Variants in PTAFR observed in about 807,000 individuals in gnomAD.
PTAFR encodes the protein platelet activating factor receptor.
PTAFR carries 8 observed loss-of-function variants against 14.7 expected under a neutral mutation model. The observed-to-expected ratio is 0.54, with a 90% confidence interval of 0.32 to 0.98. PTAFR has a LOEUF of 0.98. Ranked by LOEUF, PTAFR falls within the 50% of genes least tolerant of loss-of-function variation. The pLI, the probability that PTAFR is intolerant of heterozygous loss-of-function variation, is 0.04. For synonymous variants in PTAFR, 156 were observed against 176.5 expected (o/e 0.88, Z 0.92); for missense variants, 337 against 451.2 (o/e 0.75, Z 2.29).
intron 1 of PTAFR, among the ~76,000 whole-genome samples, chr1:28,168,878 G>A (rs1646421574): frequency 6.6e-6 from 1 of 151,978 alleles, no homozygotes; most frequent in African/African-American, 2.4e-5. Flanking sequence ...ATGTTGACCA[G>A]GATAGTCTCG....
At chr1:28,181,739 T>A (rs1390305546) in intron 1 of PTAFR, among the ~76,000 whole-genome samples, 1 of 150,584 alleles carries the variant, frequency 6.6e-6, no homozygotes, top group Non-Finnish European at 1.5e-5. Flanking sequence ...CGAAACTCCA[T>A]CTCAAAAAAA....
At chr1:28,163,472 A>G (rs966689696) in intron 1 of PTAFR, among the ~76,000 whole-genome samples, 8 of 152,176 alleles carry the variant, frequency 5.3e-5, no homozygotes, top group Non-Finnish European at 7.3e-5. Flanking sequence ...CAGTCTCCCC[A>G]GGGGAGCTGT....
intron 1 of PTAFR, among the ~76,000 whole-genome samples, chr1:28,187,188 G>A (rs1167016418): frequency 2.0e-5 from 3 of 152,122 alleles, no homozygotes; most frequent in Non-Finnish European, 2.9e-5. Flanking sequence ...ATGAGAAAAG[G>A]GCTACTCACT....
At position 28,167,460 on chromosome 1, in the gene PTAFR, C is replaced by T. The variant is rs541734830; in HGVS notation, c.-39+9132G>A. 3.9e-5 allele frequency among the ~76,000 whole-genome samples: 6 copies of T among 152,144 alleles called. No individual in the cohort carries two copies. In the East Asian group the frequency reaches 7.7e-4, roughly 20 times the overall value. Reference sequence around the variant, plus strand: ...CACTATCAGTAAAACAGAAATGTGTCAGCAAGGATGTGAGAAATTGGAACT... The same window carrying T: ...CACTATCAGTAAAACAGAAATGTGTTAGCAAGGATGTGAGAAATTGGAACT... On this transcript the variant is annotated intron_variant, in intron 1 of 1. Coordinates refer to ENST00000373857, the MANE Select transcript of PTAFR (RefSeq NM_000952.5).
chr1:28,181,474 C>T (rs1281182200), upstream of PTAFR, among the ~76,000 whole-genome samples: 3 of 152,084 alleles, frequency 2.0e-5, no homozygotes, highest in African/African-American at 7.2e-5. Flanking sequence ...TAGCCGGGCG[C>T]GGTGGCTCAC....
At chr1:28,182,095 G>A (rs1646567226) in intron 1 of PTAFR, among the ~76,000 whole-genome samples, 1 of 152,146 alleles carries the variant, frequency 6.6e-6, no homozygotes, top group Non-Finnish European at 1.5e-5. Context: ...CAGCACTTTG[G>A]GAGGCCGAGG....
In PTAFR at chr1:28,175,863, C is replaced by T. The variant is rs1465928924; in HGVS notation, c.-39+729G>A. 2.6e-5 allele frequency among the ~76,000 whole-genome samples: 4 copies of T among 152,082 alleles called. No homozygotes were observed. In the East Asian group the frequency reaches 7.7e-4, roughly 29 times the overall value. On this transcript the variant is annotated intron_variant, in intron 1 of 1. Transcript: ENST00000373857. Reference sequence around the variant, plus strand: ...TTTAGAAAACTGCACAGAGATGGAGCGTAACTTGGCCAAGACCACACAGCT... The same window carrying T: ...TTTAGAAAACTGCACAGAGATGGAGTGTAACTTGGCCAAGACCACACAGCT...
chr1:28,152,126 A>G (rs1240211971), intron 1 of PTAFR, among the ~76,000 whole-genome samples: 3 of 151,974 alleles, frequency 2.0e-5, no homozygotes, highest in Admixed American at 2.0e-4. Flanking sequence ...CGAACTCCTG[A>G]GCTCAAGGAA....
chr1:28,147,371 G>A lies in PTAFR; in HGVS notation c.*2622C>T, dbSNP rs889297594. On this transcript the variant is annotated 3_prime_UTR_variant, in exon 2 of 2. Transcript: ENST00000373857. ...TCAGCAAAATGAGAGAATGTATCCT[G>A]ACAAGGGACGCTCACAGGGCCTAAA... The A allele has an allele frequency of 1.3e-5, 2 of 152,108 alleles. No individual in the cohort carries two copies. Among genetic ancestry groups the A allele is most frequent in the African/African-American group, 4.8e-5 (2 of 41,402 alleles). The allele number at this position is 152,108 out of a possible 1,614,324, so 9.4% of individuals were successfully genotyped here.
intron 1 of PTAFR, among the ~76,000 whole-genome samples, chr1:28,190,214 C>T (rs755106651): frequency 6.6e-6 from 1 of 152,030 alleles, no homozygotes; most frequent in South Asian, 2.1e-4. Flanking sequence ...TCAGATGATC[C>T]GCCTGCCTGG....
At chr1:28,160,624 A>G (rs183162333) in intron 1 of PTAFR, among the ~76,000 whole-genome samples, 72 of 142,014 alleles carry the variant, frequency 5.1e-4, no homozygotes, top group African/African-American at 1.8e-3. Context: ...GCTAATCTCT[A>G]TTTCAAAGTT....
chr1:28,170,364 ATTCGCTGGGGCCAG>A (rs1646439181), intron 1 of PTAFR, among the ~76,000 whole-genome samples: 1 of 152,094 alleles, frequency 6.6e-6, no homozygotes, highest in South Asian at 2.1e-4. Flanking sequence ...CAGCTCTTAG[ATTCGCTGGGGCCAG>A]TCCCACTTTC....
At chr1:28,182,646 AG>A (rs1401010380) in intron 1 of PTAFR, among the ~76,000 whole-genome samples, 1 of 151,308 alleles carries the variant, frequency 6.6e-6, no homozygotes, top group Non-Finnish European at 1.5e-5. Context: ...AGGGTACATG[AG>A]GATCCATTAT....
At chr1:28,180,158 A>G (rs942849019), upstream of PTAFR, among the ~76,000 whole-genome samples, 2 of 152,086 alleles carry the variant, frequency 1.3e-5, no homozygotes, top group Admixed American at 6.6e-5. Flanking sequence ...AACAAAACAA[A>G]AGTTAAAAAT....
chr1:28,155,459 C>G (rs1316567979), intron 1 of PTAFR, among the ~76,000 whole-genome samples: 1 of 152,146 alleles, frequency 6.6e-6, no homozygotes, highest in Non-Finnish European at 1.5e-5. Flanking sequence ...TCCGCCACCT[C>G]GGCCTCCCAA....
At chr1:28,171,354 A>G (rs1423774946) in intron 1 of PTAFR, among the ~76,000 whole-genome samples, 1 of 151,938 alleles carries the variant, frequency 6.6e-6, no homozygotes, top group Admixed American at 6.6e-5. Flanking sequence ...CTCACAGGAT[A>G]GCCCTGATGT....
chr1:28,184,812 G>A (rs895987996), intron 1 of PTAFR, among the ~76,000 whole-genome samples: 1 of 151,940 alleles, frequency 6.6e-6, no homozygotes, highest in Non-Finnish European at 1.5e-5. Context: ...GCTAATTTTT[G>A]TATTTTTAGT....
intron 1 of PTAFR, among the ~76,000 whole-genome samples, chr1:28,162,734 G>A (rs1646337665): frequency 6.8e-6 from 1 of 146,394 alleles, no homozygotes; most frequent in South Asian, 2.2e-4. Flanking sequence ...GCTGAGGCAG[G>A]AGAATAATTG....
At chr1:28,153,989 G>C (rs1646229822) in intron 1 of PTAFR, among the ~76,000 whole-genome samples, 1 of 150,726 alleles carries the variant, frequency 6.6e-6, no homozygotes, top group Admixed American at 6.6e-5. Context: ...GGGAGGCAGA[G>C]GTTGCAGTGA....
Sources: gnomAD v4.1 joint callset for allele counts (sites outside exome capture counted in the v4.1 genomes callset) on GRCh38, gnomAD v4.1.1 for gene constraint, MANE v1.5 for transcripts, NCBI Gene and HGNC (gene_info 2026-07-23, HGNC 2026-07-21) for gene names.